Variants in RBPJ observed in about 807,000 individuals in gnomAD.
RBPJ encodes the protein recombination signal binding protein for immunoglobulin kappa J region.
Under a neutral mutation model 67.8 loss-of-function variants are expected in RBPJ, and 9 were observed. The observed-to-expected ratio is 0.13, with a 90% CI of 0.08 to 0.23. The LOEUF is 0.23. Among genes scored for constraint, RBPJ ranks in the 10% least tolerant of loss-of-function variants. RBPJ has a pLI of 1.00. For missense variants in RBPJ, 305 were observed against 595.6 expected (o/e 0.51, Z 5.08); for synonymous variants, 198 against 203.3 (o/e 0.97, Z 0.22).
chr4:26,373,197 A>G (rs1729345470), intron 1 of RBPJ, among the ~76,000 whole-genome samples: 1 of 152,188 alleles, frequency 6.6e-6, no homozygotes, highest in Admixed American at 6.5e-5. Flanking sequence ...CTTCTCCCCC[A>G]TTCTGAACAT....
At chr4:26,182,768 C>G (rs145036615) in intron 1 of RBPJ, among the ~76,000 whole-genome samples, 6 of 151,990 alleles carry the variant, frequency 3.9e-5, no homozygotes, top group Non-Finnish European at 7.4e-5. Flanking sequence ...CAAAGTACTG[C>G]GATTACCGGT....
the RBPJ span, among the ~76,000 whole-genome samples, chr4:26,148,602 G>C: frequency 6.6e-6 from 1 of 152,158 alleles, no homozygotes; most frequent in Non-Finnish European, 1.5e-5. Flanking sequence ...AGTGTTTAAA[G>C]GAAAAGGACA....
chr4:26,254,992 G>A (rs1477997896), intron 1 of RBPJ, among the ~76,000 whole-genome samples: 3 of 138,426 alleles, frequency 2.2e-5, no homozygotes, highest in South Asian at 2.5e-4. Flanking sequence ...ATGAACCACC[G>A]CACCTGGCCA....
chr4:26,164,324 T>C (rs1716181057), intron 1 of RBPJ, among the ~76,000 whole-genome samples: 1 of 152,250 alleles, frequency 6.6e-6, no homozygotes, highest in Non-Finnish European at 1.5e-5. Flanking sequence ...GTATGTATAC[T>C]ATTCACTTAT....
At chr4:26,337,889 G>A (rs1320085608) in intron 1 of RBPJ, among the ~76,000 whole-genome samples, 7 of 151,530 alleles carry the variant, frequency 4.6e-5, no homozygotes, top group Non-Finnish European at 8.8e-5. Context: ...AACTCACCAC[G>A]TTGCCCAGGC....
At chr4:26,146,351 TGAACTTA>T in the RBPJ span, among the ~76,000 whole-genome samples, 1 of 152,320 alleles carries the variant, frequency 6.6e-6, no homozygotes, top group East Asian at 1.9e-4. Flanking sequence ...TGCAAAAAGA[TGAACTTA>T]GACCCTTGAC....
chr4:26,315,167 A>AAAAAAAATATATATAT (rs1325689348), upstream of RBPJ, among the ~76,000 whole-genome samples: 9 of 74,752 alleles, frequency 1.2e-4, no homozygotes, highest in East Asian at 4.6e-4. Context: ...AAAAAAAAAA[A>AAAAAAAATATATATAT]ATATATATAT....
chr4:26,312,809 G>A (rs1467535261), intron 1 of RBPJ, among the ~76,000 whole-genome samples: 1 of 152,214 alleles, frequency 6.6e-6, no homozygotes, highest in Non-Finnish European at 1.5e-5. Flanking sequence ...AAAATATCAA[G>A]ATGATGCCTG....
intron 2 of RBPJ, among the ~76,000 whole-genome samples, chr4:26,400,274 T>C (rs914238051): frequency 3.9e-5 from 6 of 152,232 alleles, no homozygotes; most frequent in African/African-American, 1.4e-4. Context: ...TCTTGACATT[T>C]GGCACCATCT....
At chr4:26,371,371 C>T (rs1729144921) in intron 1 of RBPJ, among the ~76,000 whole-genome samples, 1 of 152,172 alleles carries the variant, frequency 6.6e-6, no homozygotes, top group Non-Finnish European at 1.5e-5. Flanking sequence ...ATATTGTACA[C>T]ACATGAGTCA....
At chr4:26,368,458 T>G (rs1388752597) in intron 1 of RBPJ, among the ~76,000 whole-genome samples, 1 of 152,226 alleles carries the variant, frequency 6.6e-6, no homozygotes, top group Non-Finnish European at 1.5e-5. Flanking sequence ...ATACTGGTTA[T>G]CCTGTTGGAA....
At chr4:26,350,123 T>C (rs1010900733) in intron 1 of RBPJ, among the ~76,000 whole-genome samples, 6 of 152,194 alleles carry the variant, frequency 3.9e-5, no homozygotes, top group Non-Finnish European at 2.9e-5. Context: ...TGAAATGAAT[T>C]TGTAGTTGAG....
At chr4:26,257,605 G>T (rs1172779550) in intron 1 of RBPJ, among the ~76,000 whole-genome samples, 1 of 152,174 alleles carries the variant, frequency 6.6e-6, no homozygotes, top group Non-Finnish European at 1.5e-5. Context: ...CTCCAGCCTG[G>T]GTAACAAGAG....
intron 1 of RBPJ, among the ~76,000 whole-genome samples, chr4:26,218,766 A>G (rs1258529948): frequency 6.6e-6 from 1 of 152,116 alleles, no homozygotes; most frequent in Admixed American, 6.5e-5. Flanking sequence ...TGGCAGGAAA[A>G]TAAGCCGTGG....
the RBPJ span, among the ~76,000 whole-genome samples, chr4:26,130,294 G>A: frequency 6.6e-6 from 1 of 152,208 alleles, no homozygotes; most frequent in Non-Finnish European, 1.5e-5. Flanking sequence ...CACAGGAGTT[G>A]AGTGCTCACT....
intron 1 of RBPJ, among the ~76,000 whole-genome samples, chr4:26,295,069 A>G (rs1454057168): frequency 1.3e-5 from 2 of 152,112 alleles, no homozygotes; most frequent in Non-Finnish European, 2.9e-5. Flanking sequence ...CTCTGGATTA[A>G]TGGGTTTTGG....
chr4:26,342,011 GC>G (rs1398099397), intron 1 of RBPJ, among the ~76,000 whole-genome samples: 1 of 152,172 alleles, frequency 6.6e-6, no homozygotes, highest in Non-Finnish European at 1.5e-5. Flanking sequence ...ACAGTGGCTT[GC>G]AAAATTCAGC....
At chr4:26,163,243 T>C, upstream of RBPJ, among the ~76,000 whole-genome samples, 1 of 152,178 alleles carries the variant, frequency 6.6e-6, no homozygotes, top group East Asian at 1.9e-4. Flanking sequence ...TGGTGATTTG[T>C]TTTGCATGCT....
intron 1 of RBPJ, among the ~76,000 whole-genome samples, chr4:26,165,760 C>T (rs1022220242): frequency 6.6e-6 from 1 of 151,106 alleles, no homozygotes; most frequent in African/African-American, 2.4e-5. Flanking sequence ...TACATGTGCA[C>T]AATGTGCAGG....
Sources: allele counts gnomAD v4.1 joint callset (sites outside exome capture counted in the v4.1 genomes callset), GRCh38; gene constraint gnomAD v4.1.1; transcripts MANE v1.5; gene names NCBI Gene and HGNC (gene_info 2026-07-23, HGNC 2026-07-21).